Variants in STRBP observed in about 807,000 individuals in gnomAD.
STRBP encodes spermatid perinuclear RNA-binding protein.
A neutral mutation model predicts 80.1 loss-of-function variants in STRBP; 13 were observed. That is an observed-to-expected ratio of 0.16 (90% CI 0.11 to 0.26). The LOEUF (loss-of-function observed/expected upper bound fraction) is 0.26, where lower values mean the gene tolerates loss of function less well. Ranked by LOEUF, STRBP falls within the 10% of genes least tolerant of loss-of-function variation. STRBP has a pLI of 1.00. For synonymous variants in STRBP, 284 were observed against 291.2 expected (o/e 0.98, Z 0.25); for missense variants, 485 against 815.2 (o/e 0.59, Z 4.93).
At chr9:123,267,441 C>T (rs1045214649) in intron 1 of STRBP, among the ~76,000 whole-genome samples, 39 of 151,878 alleles carry the variant, frequency 2.6e-4, no homozygotes, top group Admixed American at 2.0e-3. Flanking sequence ...CCCTTCCACC[C>T]CATACTCCTC....
intron 11 of STRBP, among the ~76,000 whole-genome samples, chr9:123,152,113 T>C (rs147956728): frequency 2.3e-4 from 35 of 152,306 alleles, no homozygotes; most frequent in African/African-American, 6.5e-4. Flanking sequence ...CCTAAGAAGA[T>C]GGAAGTCCTA....
At chr9:123,163,166 G>A (rs2037600531) in intron 6 of STRBP, among the ~76,000 whole-genome samples, 1 of 152,184 alleles carries the variant, frequency 6.6e-6, no homozygotes, top group African/African-American at 2.4e-5. Context: ...GAAGAGGGAA[G>A]TAACACAGAG....
chr9:123,243,947 C>T (rs2040748431), intron 1 of STRBP, among the ~76,000 whole-genome samples: 1 of 152,182 alleles, frequency 6.6e-6, no homozygotes, highest in South Asian at 2.1e-4. Context: ...TGAAAACTTA[C>T]ATCCACACAA....
intron 2 of STRBP, chr9:123,214,007 G>T (rs1024435693): frequency 1.3e-5 from 2 of 151,104 alleles, no homozygotes; most frequent in African/African-American, 2.4e-5. Context: ...CAGAGGAAAA[G>T]AAGTCATTAT....
chr9:123,123,385 G>A lies in STRBP; in HGVS notation c.*2212C>T. The A allele has an allele frequency of 3.0e-6, 3 of 985,424 alleles. No homozygotes were observed. The highest frequency in any genetic ancestry group is 3.6e-6 in the Non-Finnish European group (3 of 829,934). 61.0% of individuals were successfully genotyped at this position (985,424 alleles called of 1,614,324 possible). ...GTGGGGGGACACTTAATTCATTACA[G>A]AATTTAAACAGTTGAACTTGCATGG... On this transcript the variant is annotated 3_prime_UTR_variant, in exon 19 of 19. Coordinates refer to ENST00000348403, the MANE Select transcript of STRBP (RefSeq NM_018387.5).
At chr9:123,191,565 T>C (rs1435316287) in intron 2 of STRBP, among the ~76,000 whole-genome samples, 1 of 152,164 alleles carries the variant, frequency 6.6e-6, no homozygotes, top group Non-Finnish European at 1.5e-5. Context: ...GTGGTGCAAA[T>C]GTAGCCATAC....
intron 2 of STRBP, among the ~76,000 whole-genome samples, chr9:123,225,946 C>CA (rs1564317722): frequency 6.6e-6 from 1 of 152,228 alleles, no homozygotes; most frequent in Non-Finnish European, 1.5e-5. Context: ...AGCGCTCCCA[C>CA]ACCCAAGGTA....
chr9:123,137,864 A>T (rs541569678), intron 14 of STRBP, among the ~76,000 whole-genome samples: 1 of 152,318 alleles, frequency 6.6e-6, no homozygotes, highest in South Asian at 2.1e-4. Context: ...ACATCAATAA[A>T]CATCTCTTCT....
At position 123,125,628 on chromosome 9, in the gene STRBP, G is replaced by A; in HGVS notation, c.1988C>T (p.Thr663Ile). ...MVLLPVMKFPTYPVPHYSFF is the reference protein window; with the variant it reads ...MVLLPVMKFPIYPVPHYSFF ...GAATGAGTAGTGGGGAACAGGATAT[G>A]TTGGAAATTTCATAACGGGTAACAG... The change falls in exon 19 of 19, where the codon ACA (threonine) becomes ATA (isoleucine). Residue 663 changes from threonine to isoleucine, a missense_variant. Transcript: ENST00000348403. The A allele has an allele frequency of 6.2e-7, 1 of 1,613,402 alleles. No individual in the cohort carries two copies. Among genetic ancestry groups the A allele is most frequent in the Non-Finnish European group, 8.5e-7 (1 of 1,179,724 alleles).
rs2035638178 is a variant in STRBP at position 123,115,940 on chromosome 9, GC to G, written c.*72del. 2 of 449,744 alleles carry G rather than the reference GC, an allele frequency of 4.4e-6. No individual in the cohort carries two copies. Among genetic ancestry groups the G allele is most frequent in the African/African-American group, 4.0e-5 (2 of 49,592 alleles). 27.9% of individuals were successfully genotyped at this position (449,744 alleles called of 1,614,324 possible). The stretch of plus-strand genomic sequence containing the variant: ...TCCCTTAAAAATACCTGGCAGGAGT[GC>G]CCACGTTCTCTCCAGGTCTCCTCTT... On this transcript the variant is annotated 3_prime_UTR_variant and NMD_transcript_variant, in exon 3 of 4. Transcript: ENST00000471564. The surrounding 1 kb of genome is among the most constrained non-coding windows in gnomAD (Gnocchi z 5.0).
intron 3 of STRBP, among the ~76,000 whole-genome samples, chr9:123,182,022 C>A (rs1250232737): frequency 1.3e-5 from 2 of 151,192 alleles, no homozygotes; most frequent in East Asian, 3.9e-4. Flanking sequence ...CAAGACCAGC[C>A]TGGCCAACAT....
chr9:123,200,718 G>A (rs1266576743), intron 2 of STRBP, among the ~76,000 whole-genome samples: 10 of 91,056 alleles, frequency 1.1e-4, no homozygotes, highest in African/African-American at 2.1e-4. Flanking sequence ...CAGGCGCCCC[G>A]CCACACACCC....
intron 1 of STRBP, among the ~76,000 whole-genome samples, chr9:123,247,575 C>T (rs1252429938): frequency 1.3e-5 from 2 of 152,128 alleles, no homozygotes; most frequent in African/African-American, 4.8e-5. Context: ...AGCCTCCTAG[C>T]TGTACTTTTA....
At chr9:123,131,018 A>G (rs1303354212) in intron 17 of STRBP, among the ~76,000 whole-genome samples, 1 of 152,090 alleles carries the variant, frequency 6.6e-6, no homozygotes, top group African/African-American at 2.4e-5. Flanking sequence ...TTCGTGTGAT[A>G]ATTTAATATA....
At chr9:123,148,308 C>G (rs2036907743) in intron 11 of STRBP, among the ~76,000 whole-genome samples, 1 of 152,136 alleles carries the variant, frequency 6.6e-6, no homozygotes, top group Admixed American at 6.6e-5. Flanking sequence ...GGATACATAG[C>G]AGGCACCATC....
rs184003567 is a variant in STRBP at position 123,168,115 on chromosome 9, A to G, written c.535+1787T>C. On this transcript the variant is annotated intron_variant, in intron 6 of 18. Coordinates refer to ENST00000348403, the MANE Select transcript of STRBP (RefSeq NM_018387.5). ...TCTCCTTATACTCAAATAATTTTTA[A>G]TAATACCTATAATTACAACACTACT... is the stretch of plus-strand genomic sequence containing the variant. 3 of 601,994 alleles carry G rather than the reference A, an allele frequency of 5.0e-6. No individual in the cohort carries two copies. In the East Asian group the frequency reaches 4.2e-4, roughly 85 times the overall value. 37.3% of individuals were successfully genotyped at this position (601,994 alleles called of 1,614,324 possible). A position where few individuals can be genotyped will look rare whatever the true frequency, so the allele number is the denominator to read the frequency against.
At chr9:123,179,413 GA>G (rs1346303773) in intron 3 of STRBP, among the ~76,000 whole-genome samples, 186 bp from the exon 4 acceptor site, 3 of 152,138 alleles carry the variant, frequency 2.0e-5, no homozygotes, top group African/African-American at 7.2e-5. Context: ...CTCCTCACCA[GA>G]AAACAAGAGC....
rs2035792622 is a variant in STRBP, at chr9:123,123,405, G to A, written c.*2192C>T. Reference sequence around the variant, plus strand: ...TTACAGAATTTAAACAGTTGAACTTGCATGGTTACCACTTCTAACAAAGGA... The same window carrying A: ...TTACAGAATTTAAACAGTTGAACTTACATGGTTACCACTTCTAACAAAGGA... On this transcript the variant is annotated 3_prime_UTR_variant, in exon 19 of 19. Coordinates refer to ENST00000348403, the MANE Select transcript of STRBP (RefSeq NM_018387.5). The A allele has an allele frequency of 2.0e-6, 2 of 985,244 alleles. No homozygotes were observed. Among genetic ancestry groups the A allele is most frequent in the African/African-American group, 3.5e-5 (2 of 57,204 alleles). 61.0% of individuals were successfully genotyped at this position (985,244 alleles called of 1,614,324 possible). A position where few individuals can be genotyped will look rare whatever the true frequency, so the allele number is the denominator to read the frequency against.
At chr9:123,133,702 G>C (rs1039100098) in intron 16 of STRBP, among the ~76,000 whole-genome samples, 3 of 151,988 alleles carry the variant, frequency 2.0e-5, no homozygotes, top group Non-Finnish European at 4.4e-5. Context: ...ACCACACCTG[G>C]CTAATTTTCG....
Sources: gnomAD v4.1 joint callset for allele counts (sites outside exome capture counted in the v4.1 genomes callset) on GRCh38, gnomAD v4.1.1 for gene constraint, Gnocchi (gnomAD v3.1) non-coding constraint, MANE v1.5 for transcripts, NCBI Gene and HGNC (gene_info 2026-07-23, HGNC 2026-07-21) for gene names.